ALDH1L2: variants seen among roughly 807,000 people sequenced by gnomAD.
ALDH1L2 encodes the protein mitochondrial 10-formyltetrahydrofolate dehydrogenase.
Under a neutral mutation model 111.0 loss-of-function variants are expected in ALDH1L2, and 91 were observed. The ratio of observed to expected loss-of-function variants is 0.82; its 90% CI spans 0.69 to 0.98. ALDH1L2 has a LOEUF of 0.98. ALDH1L2 is among the 50% of genes least tolerant of loss of function. ALDH1L2 has a pLI of 0.00. For missense variants in ALDH1L2, 995 were observed against 1,126.8 expected (o/e 0.88, Z 1.67); for synonymous variants, 374 against 392.6 (o/e 0.95, Z 0.56).
chr12:105,053,653 A>G (rs981287816), intron 10 of ALDH1L2, among the ~76,000 whole-genome samples: 3 of 152,172 alleles, frequency 2.0e-5, no homozygotes, highest in African/African-American at 7.2e-5. Context: ...GCCTTTTCCC[A>G]CACTGAGTGC....
intron 13 of ALDH1L2, among the ~76,000 whole-genome samples, chr12:105,049,128 G>A (rs191209588): frequency 5.3e-5 from 8 of 152,102 alleles, no homozygotes; most frequent in East Asian, 1.9e-4. Context: ...CACCATCTAC[G>A]GTAGCTCTCT....
intron 5 of ALDH1L2, among the ~76,000 whole-genome samples, chr12:105,065,702 T>A (rs1016649943): frequency 6.7e-6 from 1 of 148,842 alleles, no homozygotes; most frequent in African/African-American, 2.5e-5. Flanking sequence ...CTCTGTTAAG[T>A]CTCTGCCTCT....
At position 105,052,073 on chromosome 12, in the gene ALDH1L2, A is replaced by G. The variant is rs1289588265; in HGVS notation, c.1535+17T>C. The G allele has an allele frequency of 6.4e-7, 1 of 1,566,824 alleles. No individual in the cohort carries two copies. Among genetic ancestry groups the G allele is most frequent in the East Asian group, 2.3e-5 (1 of 43,500 alleles). On this transcript the variant is annotated intron_variant, in intron 12 of 22. Coordinates refer to ENST00000258494, the MANE Select transcript of ALDH1L2 (RefSeq NM_001034173.4). Reference sequence around the variant, plus strand: ...AGTTACTTTTCTAAAAAATAAAAAAATAAAAAATAGAAATACCTATACATC... The same window carrying G: ...AGTTACTTTTCTAAAAAATAAAAAAGTAAAAAATAGAAATACCTATACATC...
rs538927810 is a variant in ALDH1L2, at chr12:105,050,659, C to T, written c.1536-601G>A. 4.6e-4 allele frequency: 209 copies of T among 454,024 alleles called. 2 individuals carry two copies. Among genetic ancestry groups the T allele is most frequent in the African/African-American group, 4.0e-3 (201 of 50,110 alleles). 28.1% of individuals were successfully genotyped at this position (454,024 alleles called of 1,614,324 possible). A position where few individuals can be genotyped will look rare whatever the true frequency, so the allele number is the denominator to read the frequency against. Reference sequence around the variant, plus strand: ...CTCTAGAGTCCAGCTTGAAATCCCCCTCCGACAATCTTTGTTCCAGATCTT... The same window carrying T: ...CTCTAGAGTCCAGCTTGAAATCCCCTTCCGACAATCTTTGTTCCAGATCTT... On this transcript the variant is annotated intron_variant, in intron 12 of 22. Coordinates refer to ENST00000258494, the MANE Select transcript of ALDH1L2 (RefSeq NM_001034173.4).
chr12:105,031,337 T>G (rs1267560959), intron 20 of ALDH1L2, among the ~76,000 whole-genome samples: 2 of 152,324 alleles, frequency 1.3e-5, no homozygotes, highest in East Asian at 1.9e-4. Flanking sequence ...GCAGTTCTTA[T>G]GAATAGAAAG....
chr12:105,082,158 C>T (rs73393887), intron 1 of ALDH1L2, among the ~76,000 whole-genome samples: 8,791 of 152,256 alleles, frequency 0.058, 834 homozygotes, highest in African/African-American at 0.2. Context: ...TGTGCCACTG[C>T]GTTCCAGCCT....
intron 4 of ALDH1L2, among the ~76,000 whole-genome samples, chr12:105,068,299 C>T (rs1482293499): frequency 2.0e-5 from 3 of 151,450 alleles, no homozygotes; most frequent in Non-Finnish European, 4.4e-5. Flanking sequence ...CAGAATACGT[C>T]TGGATAAATA....
rs1475832985 is a variant in ALDH1L2, at chr12:105,038,154, C to G, written c.2094G>C (p.Lys698Asn). The change falls in exon 18 of 23, where the codon AAG becomes AAC. Residue 698 changes from lysine (K) to asparagine (N), a missense_variant. Lys to Asn is a moderately conservative substitution (Grantham distance 94). Coordinates refer to ENST00000258494, the MANE Select transcript of ALDH1L2 (RefSeq NM_001034173.4). ...AGTCATTAAATATTATAAGTGGAGA[C>G]TTGCCACCAAGCTCAAGGGAAACTT... is the stretch of plus-strand genomic sequence containing the variant. ...LKKVSLELGG[K>N]SPLIIFNDCE... 6.2e-7 allele frequency: 1 copy of G among 1,613,630 alleles called. No homozygotes were observed. The highest frequency in any genetic ancestry group is 8.5e-7 in the Non-Finnish European group (1 of 1,179,800).
chr12:105,032,224 C>CTGGA (rs1317520131), intron 19 of ALDH1L2, among the ~76,000 whole-genome samples: 47 of 136,992 alleles, frequency 3.4e-4, no homozygotes, highest in African/African-American at 1.3e-3. Flanking sequence ...GTTGCCCAGG[C>CTGGA]TGGAGTACAA....
intron 1 of ALDH1L2, among the ~76,000 whole-genome samples, chr12:105,084,007 C>T (rs557572504): frequency 6.6e-6 from 1 of 152,308 alleles, no homozygotes; most frequent in Admixed American, 6.5e-5. Context: ...GTCTCGGTTC[C>T]ATATGGCTCC....
chr12:105,057,720 G>C (rs1214220531), intron 10 of ALDH1L2, among the ~76,000 whole-genome samples: 2 of 152,176 alleles, frequency 1.3e-5, no homozygotes, highest in Non-Finnish European at 2.9e-5. Flanking sequence ...AGACAGAAAA[G>C]AGGTTAGCAT....
intron 10 of ALDH1L2, among the ~76,000 whole-genome samples, chr12:105,053,375 T>G (rs1876415767): frequency 6.6e-6 from 1 of 152,264 alleles, no homozygotes; most frequent in African/African-American, 2.4e-5. Flanking sequence ...ACTTTTTGTC[T>G]GTTACACATG....
chr12:105,028,871 C>CTG (rs1480905491), intron 21 of ALDH1L2, among the ~76,000 whole-genome samples: 4 of 152,172 alleles, frequency 2.6e-5, no homozygotes, highest in African/African-American at 9.7e-5. Context: ...AAACCATACT[C>CTG]TATTATTTGC....
At chr12:105,074,382 C>A (rs571497542) in intron 1 of ALDH1L2, among the ~76,000 whole-genome samples, 1 of 139,966 alleles carries the variant, frequency 7.1e-6, no homozygotes, top group Non-Finnish European at 1.5e-5. Context: ...CTCTTGAACC[C>A]GGGAGGCAGA....
chr12:105,079,795 C>T (rs934973411), intron 1 of ALDH1L2, among the ~76,000 whole-genome samples: 3 of 152,148 alleles, frequency 2.0e-5, no homozygotes, highest in African/African-American at 7.2e-5. Context: ...AATCTGCATC[C>T]CCTTCTCACT....
chr12:105,052,911 T>TATG lies in ALDH1L2; in HGVS notation c.1307_1308insCAT (p.Glu436delinsAspIle). 8.1e-6 allele frequency: 13 copies of TATG among 1,613,812 alleles called. No individual in the cohort carries two copies. The highest frequency in any genetic ancestry group is 9.3e-6 in the Non-Finnish European group (11 of 1,179,688). On this transcript the variant is annotated protein_altering_variant, in exon 11 of 23. Transcript: ENST00000258494. ...ACTGGTATGGCATTTTTACCATGAT[T>TATG]TCATTGACCTCCTTTGAAATCTGAG...
At chr12:105,075,441 C>T (rs368056545) in intron 1 of ALDH1L2, among the ~76,000 whole-genome samples, 2 of 152,100 alleles carry the variant, frequency 1.3e-5, no homozygotes, top group Admixed American at 6.6e-5. Flanking sequence ...AAAAATTAGC[C>T]GGGTATGGTG....
intron 1 of ALDH1L2, among the ~76,000 whole-genome samples, chr12:105,082,968 C>G (rs1319009685): frequency 6.6e-6 from 1 of 151,832 alleles, no homozygotes; most frequent in Non-Finnish European, 1.5e-5. Context: ...CCATGAGTAT[C>G]ACTGCTTTTC....
At chr12:105,067,458 C>G (rs1016859188) in intron 4 of ALDH1L2, among the ~76,000 whole-genome samples, 4 of 152,114 alleles carry the variant, frequency 2.6e-5, no homozygotes, top group Admixed American at 6.5e-5. Flanking sequence ...TTTTACTCAT[C>G]ATGATGATTC....
Sources: allele counts gnomAD v4.1 joint callset (sites outside exome capture counted in the v4.1 genomes callset), GRCh38; gene constraint gnomAD v4.1.1; transcripts MANE v1.5; gene names NCBI Gene and HGNC (gene_info 2026-07-23, HGNC 2026-07-21).